Variants in MACROD2 observed in about 807,000 individuals in gnomAD.
The protein encoded by MACROD2 is ADP-ribose glycohydrolase MACROD2.
A neutral mutation model predicts 70.4 loss-of-function variants in MACROD2; 36 were observed. The ratio of observed to expected loss-of-function variants is 0.51; its 90% CI spans 0.39 to 0.68. The LOEUF (loss-of-function observed/expected upper bound fraction) is 0.68. Among genes scored for constraint, MACROD2 ranks in the 30% least tolerant of loss-of-function variants. The pLI is 0.00. For synonymous variants in MACROD2, 172 were observed against 178.8 expected (o/e 0.96, Z 0.30); for missense variants, 496 against 538.4 (o/e 0.92, Z 0.78).
intron 8 of MACROD2, among the ~76,000 whole-genome samples, chr20:15,683,034 GA>G (rs1205207702): frequency 2.6e-5 from 4 of 152,126 alleles, no homozygotes; most frequent in Admixed American, 6.5e-5. Context: ...TGTAATAATA[GA>G]ATCAGAGATT....
At chr20:15,589,673 C>A (rs1258662509) in intron 8 of MACROD2, among the ~76,000 whole-genome samples, 1 of 152,214 alleles carries the variant, frequency 6.6e-6, no homozygotes, top group Non-Finnish European at 1.5e-5. Flanking sequence ...TGTGCTCTGC[C>A]TACTCATCCC....
intron 5 of MACROD2, among the ~76,000 whole-genome samples, chr20:14,800,228 G>A (rs190800056): frequency 6.6e-6 from 1 of 151,968 alleles, no homozygotes; most frequent in African/African-American, 2.4e-5. Flanking sequence ...AAACTTTAAA[G>A]GAGAGAACAA....
chr20:15,822,354 G>A (rs1040213945), intron 8 of MACROD2, among the ~76,000 whole-genome samples: 1 of 152,018 alleles, frequency 6.6e-6, no homozygotes, highest in Non-Finnish European at 1.5e-5. Flanking sequence ...AATGATATGT[G>A]ATACATCCTA....
intron 3 of MACROD2, among the ~76,000 whole-genome samples, chr20:14,456,381 A>G (rs866395239): frequency 6.6e-6 from 1 of 151,854 alleles, no homozygotes; most frequent in African/African-American, 2.4e-5. Context: ...ATGATTGCAA[A>G]TCTTACTAAA....
intron 8 of MACROD2, among the ~76,000 whole-genome samples, chr20:15,761,558 T>C (rs2051436256): frequency 6.6e-6 from 1 of 152,078 alleles, no homozygotes; most frequent in African/African-American, 2.4e-5. Context: ...CCATCAAGAG[T>C]ATGTGTTACA....
At chr20:15,753,836 G>A (rs903087665) in intron 8 of MACROD2, among the ~76,000 whole-genome samples, 6 of 152,168 alleles carry the variant, frequency 3.9e-5, no homozygotes, top group South Asian at 2.1e-4. Flanking sequence ...GTAGCTCATC[G>A]TGCTTTTGAT....
At chr20:15,518,448 A>T (rs914294874) in intron 8 of MACROD2, among the ~76,000 whole-genome samples, 1 of 152,228 alleles carries the variant, frequency 6.6e-6, no homozygotes. Context: ...TTGGCTCAGT[A>T]TTGGCAATTG....
At chr20:14,995,082 C>T (rs6034082) in intron 5 of MACROD2, among the ~76,000 whole-genome samples, 1 of 151,824 alleles carries the variant, frequency 6.6e-6, no homozygotes, top group East Asian at 1.9e-4. Context: ...TAATATTTAC[C>T]TGATTTATTT....
intron 5 of MACROD2, among the ~76,000 whole-genome samples, chr20:14,828,461 T>G (rs1191910485): frequency 1.3e-5 from 2 of 152,164 alleles, no homozygotes; most frequent in Non-Finnish European, 2.9e-5. Context: ...TTTTCTTAAT[T>G]CAGTCATTCA....
At chr20:15,234,166 G>A (rs1309390944) in intron 6 of MACROD2, among the ~76,000 whole-genome samples, 1 of 140,464 alleles carries the variant, frequency 7.1e-6, no homozygotes, top group Non-Finnish European at 1.6e-5. Context: ...CGAGTAGCTG[G>A]GACTACAGGC....
At chr20:16,017,722 T>C (rs149687762) in intron 15 of MACROD2, among the ~76,000 whole-genome samples, 3 of 152,356 alleles carry the variant, frequency 2.0e-5, no homozygotes, top group African/African-American at 7.2e-5. Context: ...AGAGTACATA[T>C]ATCAACAGCA....
intron 3 of MACROD2, among the ~76,000 whole-genome samples, chr20:14,484,177 G>A (rs1320858478): frequency 1.3e-5 from 2 of 152,026 alleles, no homozygotes; most frequent in Non-Finnish European, 2.9e-5. Context: ...AGCTAATTTT[G>A]ACTTATTTTA....
chr20:15,915,474 T>C (rs2065300802), intron 10 of MACROD2, among the ~76,000 whole-genome samples: 1 of 152,210 alleles, frequency 6.6e-6, no homozygotes, highest in South Asian at 2.1e-4. Context: ...CACTAAAGCA[T>C]AGGAAGTTCT....
chr20:14,664,257 C>T (rs958407522), intron 4 of MACROD2, among the ~76,000 whole-genome samples: 4 of 152,060 alleles, frequency 2.6e-5, no homozygotes, highest in Non-Finnish European at 5.9e-5. Context: ...TGGAGTCCTT[C>T]CTAGTTCCAC....
At chr20:15,180,717 C>T (rs2076494330) in intron 5 of MACROD2, among the ~76,000 whole-genome samples, 1 of 152,218 alleles carries the variant, frequency 6.6e-6, no homozygotes, top group Admixed American at 6.5e-5. Flanking sequence ...TGTCAAACTC[C>T]TGACCTCAAG....
chr20:14,784,672 G>T (rs1241275415), intron 5 of MACROD2, among the ~76,000 whole-genome samples: 1 of 119,632 alleles, frequency 8.4e-6, no homozygotes, highest in African/African-American at 3.6e-5. Flanking sequence ...TTTAAGTGGG[G>T]GGGGGGGGGC....
At chr20:15,540,297 C>T (rs759054279) in intron 8 of MACROD2, among the ~76,000 whole-genome samples, 2 of 152,112 alleles carry the variant, frequency 1.3e-5, no homozygotes, top group African/African-American at 4.8e-5. Flanking sequence ...TTCATTAGGA[C>T]ATGTATCCTA....
At position 14,900,764 on chromosome 20, in the gene MACROD2, A is replaced by T. The variant is rs79944459; in HGVS notation, c.418+215805A>T. Among the ~76,000 whole-genome samples, 18 of 151,028 alleles carry T rather than the reference A, an allele frequency of 1.2e-4. No individual in the cohort carries two copies. The East Asian group carries it at 3.3e-3, about 28-fold the overall frequency. On this transcript the variant is annotated intron_variant, in intron 5 of 17. Transcript: ENST00000684519. ...TTTCAAATAACCCATGTTTGGTTTC[A>T]TTGGTTTTCTCTTTTGTTATTCTAT...
At chr20:14,259,090 G>A (rs2082081352) in intron 3 of MACROD2, among the ~76,000 whole-genome samples, 1 of 152,102 alleles carries the variant, frequency 6.6e-6, no homozygotes, top group Non-Finnish European at 1.5e-5. Context: ...TTACAGCCAT[G>A]TACCACCATG....
Sources: allele counts gnomAD v4.1 joint callset (sites outside exome capture counted in the v4.1 genomes callset), GRCh38; gene constraint gnomAD v4.1.1; transcripts MANE v1.5; gene names NCBI Gene and HGNC (gene_info 2026-07-23, HGNC 2026-07-21).